The following KIF3C variants were observed in gnomAD, a reference collection of about 807,000 sequenced individuals.
KIF3C encodes the protein kinesin-like protein KIF3C.
A neutral mutation model predicts 67.7 loss-of-function variants in KIF3C; 12 were observed. The ratio of observed to expected loss-of-function variants is 0.18; its 90% CI spans 0.11 to 0.29. KIF3C has a LOEUF of 0.29. KIF3C is among the 10% of genes least tolerant of loss of function. The pLI is 1.00. For synonymous variants in KIF3C, 393 were observed against 426.2 expected (o/e 0.92, Z 0.96); for missense variants, 789 against 1,059.6 (o/e 0.74, Z 3.55).
At chr2:25,953,676 T>TTG (rs1663714044) in intron 4 of KIF3C, among the ~76,000 whole-genome samples, 2 of 85,154 alleles carry the variant, frequency 2.3e-5, no homozygotes, top group Admixed American at 2.3e-4. Context: ...GTTTTTGTTT[T>TTG]TTTTTTTTTT....
intron 1 of KIF3C, among the ~76,000 whole-genome samples, chr2:25,962,843 AATATATAATATAATATATAAT>A (rs1663998068): frequency 3.1e-5 from 2 of 65,024 alleles, no homozygotes; most frequent in Non-Finnish European, 5.3e-5. Flanking sequence ...TAAAATATAT[AATATATAATATAATATATAAT>A]ATATATAATA....
intron 5 of KIF3C, among the ~76,000 whole-genome samples, chr2:25,941,505 A>C (rs1487478650): frequency 6.7e-6 from 1 of 149,290 alleles, no homozygotes; most frequent in Non-Finnish European, 1.5e-5. Context: ...ACTGCTTGAC[A>C]TCAGGAGTTG....
In KIF3C at chr2:25,954,526, C is replaced by T. The variant is rs950652761; in HGVS notation, c.1771-141G>A. On this transcript the variant is annotated intron_variant, in intron 3 of 7. Transcript: ENST00000264712. ...GCTGCGGGTCCTTTTCTGAACTCCC[C>T]GCTGTGCCCAACCCACCACGAATTG... The T allele has an allele frequency of 2.0e-5, 13 of 638,732 alleles. No homozygotes were observed. The East Asian group carries it at 3.0e-4, about 15-fold the overall frequency. 39.6% of individuals were successfully genotyped at this position (638,732 alleles called of 1,614,324 possible). A position where few individuals can be genotyped will look rare whatever the true frequency, so the allele number is the denominator to read the frequency against.
At chr2:25,977,389 A>G (rs375578882) in intron 1 of KIF3C, among the ~76,000 whole-genome samples, 6 of 152,288 alleles carry the variant, frequency 3.9e-5, no homozygotes, top group African/African-American at 1.4e-4. Context: ...GGAGCTGGTC[A>G]GGGAAGAAGC....
chr2:25,951,561 C>A (rs1317628628), intron 5 of KIF3C: 8 of 476,756 alleles, frequency 1.7e-5, no homozygotes, highest in Non-Finnish European at 3.8e-6. Flanking sequence ...AAGGTATTTT[C>A]TGCATCCCAG....
Position 25,955,718 on chromosome 2 carries a change from C to T in KIF3C, c.1648-55G>A. 1.3e-6 allele frequency: 2 copies of T among 1,597,866 alleles called. No individual in the cohort carries two copies. Among genetic ancestry groups the T allele is most frequent in the South Asian group, 2.2e-5 (2 of 89,444 alleles). On this transcript the variant is annotated intron_variant, in intron 2 of 7. Transcript: ENST00000264712. The surrounding 1 kb of genome is among the most constrained non-coding windows in gnomAD (Gnocchi z 5.0). ...AGGAGCAGTGCATACTCGGGAGGGC[C>T]AGGAAAGCTCAGGGGACTGGCTCAC...
chr2:25,951,037 A>G (rs1235610742), intron 5 of KIF3C, among the ~76,000 whole-genome samples: 1 of 152,192 alleles, frequency 6.6e-6, no homozygotes, highest in East Asian at 1.9e-4. Flanking sequence ...CCCTATTTTA[A>G]CATTAATATT....
intron 5 of KIF3C, among the ~76,000 whole-genome samples, chr2:25,933,644 C>T (rs2090480573): frequency 6.6e-6 from 1 of 150,690 alleles, no homozygotes; most frequent in Admixed American, 6.6e-5. Flanking sequence ...CACTGCACTC[C>T]AGCCTGGGTG....
chr2:25,939,028 C>A (rs574021977), intron 5 of KIF3C, among the ~76,000 whole-genome samples: 95 of 152,192 alleles, frequency 6.2e-4, no homozygotes, highest in African/African-American at 2.0e-3. Context: ...CTTCCTCACT[C>A]TGTCACCCAG....
intron 5 of KIF3C, among the ~76,000 whole-genome samples, chr2:25,946,272 G>A (rs1429101007): frequency 6.6e-6 from 1 of 152,100 alleles, no homozygotes; most frequent in Non-Finnish European, 1.5e-5. Flanking sequence ...GGAAAGGTGG[G>A]GGCCAGGTGA....
chr2:25,953,510 G>A (rs1252430794), intron 4 of KIF3C, among the ~76,000 whole-genome samples: 3 of 150,416 alleles, frequency 2.0e-5, no homozygotes, highest in South Asian at 4.2e-4. Context: ...ACAGGCGCCC[G>A]CCACCACTCT....
Position 25,981,435 on chromosome 2 carries a change from C to T in KIF3C, c.483G>A (p.Pro161=), listed in dbSNP as rs201717639. 64 of 1,614,156 alleles carry T rather than the reference C, an allele frequency of 4.0e-5. No individual in the cohort carries two copies. Among genetic ancestry groups the T allele is most frequent in the African/African-American group, 2.4e-4 (18 of 75,016 alleles). The change falls in exon 1 of 8, where the codon CCG becomes CCA. Residue 161 remains proline, a synonymous_variant. Transcript: ENST00000264712. This position sits in a 1 kb window ranked among gnomAD's most constrained non-coding sequence, Gnocchi z 8.2. ...EEIRDLLSKE[P]GKRLELKENP... is the part of the protein sequence containing the mutation. ...TCTCTTTCAGCTCTAGCCTCTTGCC[C>T]GGCTCCTTGGAGAGCAGGTCTCGAA...
chr2:25,930,639 G>T (rs1352063132), intron 5 of KIF3C, among the ~76,000 whole-genome samples: 1 of 152,174 alleles, frequency 6.6e-6, no homozygotes, highest in African/African-American at 2.4e-5. Context: ...CCGGGTTCAA[G>T]TGATTCTTCT....
At chr2:25,965,014 C>A (rs774153814) in intron 1 of KIF3C, among the ~76,000 whole-genome samples, 4 of 152,192 alleles carry the variant, frequency 2.6e-5, no homozygotes, top group Non-Finnish European at 5.9e-5. Context: ...GGGCCCTGGG[C>A]TCCATAAAGA....
chr2:25,954,233 G>T, intron 4 of KIF3C, 34 bp downstream of exon 4: 1 of 1,494,712 alleles, frequency 6.7e-7, no homozygotes, highest in South Asian at 1.1e-5. Context: ...GGCTGGCTGT[G>T]GGGACCCGGG....
chr2:25,937,028 A>T (rs2149223750), intron 5 of KIF3C, among the ~76,000 whole-genome samples: 1 of 152,326 alleles, frequency 6.6e-6, no homozygotes, highest in African/African-American at 2.4e-5. Context: ...TATCATACAG[A>T]ATTTCTGAGA....
At chr2:25,950,377 C>T (rs753804800) in intron 5 of KIF3C, among the ~76,000 whole-genome samples, 1 of 151,764 alleles carries the variant, frequency 6.6e-6, no homozygotes. Flanking sequence ...GCCACCACGC[C>T]CAGCTAATTT....
intron 5 of KIF3C, among the ~76,000 whole-genome samples, chr2:25,933,581 G>A (rs1474444933): frequency 6.6e-6 from 1 of 151,420 alleles, no homozygotes; most frequent in African/African-American, 2.4e-5. Context: ...AGGCTGAGGT[G>A]GGAGGATCAC....
rs544475513 is a variant in KIF3C, at chr2:25,930,847, G to A, written c.2007-784C>T. Reference sequence around the variant, plus strand: ...AGCCACCGTGCCTGGCCTAACACCCGGCTAATTTTTGTATTTTTAGTAGAG... The same window carrying A: ...AGCCACCGTGCCTGGCCTAACACCCAGCTAATTTTTGTATTTTTAGTAGAG... On this transcript the variant is annotated intron_variant, in intron 5 of 7. Coordinates refer to ENST00000264712, the MANE Select transcript of KIF3C (RefSeq NM_002254.8). Among the ~76,000 whole-genome samples the A allele has an allele frequency of 5.3e-5, 8 of 152,008 alleles. No homozygotes were observed. In the East Asian group the frequency reaches 1.2e-3, roughly 22 times the overall value.
Sources: allele counts gnomAD v4.1 joint callset (sites outside exome capture counted in the v4.1 genomes callset), GRCh38; gene constraint gnomAD v4.1.1; non-coding constraint Gnocchi (gnomAD v3.1); transcripts MANE v1.5; gene names NCBI Gene and HGNC (gene_info 2026-07-23, HGNC 2026-07-21).